RNGTT: variants seen among roughly 807,000 people sequenced by gnomAD.
RNGTT encodes the protein mRNA-capping enzyme.
Under a neutral mutation model 79.3 loss-of-function variants are expected in RNGTT, and 33 were observed. The observed-to-expected ratio is 0.42, with a 90% CI of 0.32 to 0.56. RNGTT has a LOEUF of 0.56. Among genes scored for constraint, RNGTT ranks in the 20% least tolerant of loss-of-function variants. The pLI, the probability that RNGTT is intolerant of heterozygous loss-of-function variation, is 0.17. For synonymous variants in RNGTT, 222 were observed against 235.9 expected (o/e 0.94, Z 0.54); for missense variants, 497 against 739.1 (o/e 0.67, Z 3.80).
chr6:88,796,370 G>A (rs1779603794), intron 12 of RNGTT, among the ~76,000 whole-genome samples: 1 of 152,136 alleles, frequency 6.6e-6, no homozygotes, highest in African/African-American at 2.4e-5. Flanking sequence ...AAAAACAGGG[G>A]TAGACTGGAA....
At chr6:88,806,770 C>T (rs879275491) in intron 11 of RNGTT, among the ~76,000 whole-genome samples, 4 of 152,112 alleles carry the variant, frequency 2.6e-5, no homozygotes, top group South Asian at 2.1e-4. Flanking sequence ...ATAAATCATT[C>T]TATTATAAAG....
chr6:88,913,227 CAAA>C (rs869096332), intron 4 of RNGTT, among the ~76,000 whole-genome samples: 4 of 110,300 alleles, frequency 3.6e-5, no homozygotes, highest in Non-Finnish European at 7.5e-5. Context: ...AAAAAAAAAA[CAAA>C]AAAAAAAAAG....
At chr6:88,648,616 T>C (rs1382795468) in intron 14 of RNGTT, among the ~76,000 whole-genome samples, 1 of 152,168 alleles carries the variant, frequency 6.6e-6, no homozygotes, top group Non-Finnish European at 1.5e-5. Flanking sequence ...TGCTTTCTAT[T>C]TTCCTAAATT....
intron 14 of RNGTT, among the ~76,000 whole-genome samples, chr6:88,636,512 T>C (rs1562162122): frequency 6.6e-6 from 1 of 152,030 alleles, no homozygotes; most frequent in Non-Finnish European, 1.5e-5. Flanking sequence ...CTTATCCATA[T>C]AATCTGAATA....
chr6:88,902,688 A>ATTT (rs1235480770), intron 6 of RNGTT, among the ~76,000 whole-genome samples: 3 of 123,492 alleles, frequency 2.4e-5, no homozygotes, highest in African/African-American at 1.0e-4. Flanking sequence ...GTATAGTGAA[A>ATTT]TCTTTTTTTT....
chr6:88,641,926 A>T (rs1773336053), intron 14 of RNGTT, among the ~76,000 whole-genome samples: 1 of 152,246 alleles, frequency 6.6e-6, no homozygotes, highest in African/African-American at 2.4e-5. Flanking sequence ...TAAAAGAAAT[A>T]AAAAGTAAGT....
intron 14 of RNGTT, among the ~76,000 whole-genome samples, chr6:88,619,653 C>T (rs1390173935): frequency 6.6e-6 from 1 of 151,276 alleles, no homozygotes; most frequent in Non-Finnish European, 1.5e-5. Context: ...AATTTTTGTA[C>T]ATAGAGTTAA....
At chr6:88,827,283 A>G (rs1395108239) in intron 11 of RNGTT, among the ~76,000 whole-genome samples, 1 of 152,146 alleles carries the variant, frequency 6.6e-6, no homozygotes, top group Non-Finnish European at 1.5e-5. Flanking sequence ...GGGAAGCACA[A>G]GGGGTTTGGG....
Position 88,917,468 on chromosome 6 carries a change from T to C in RNGTT, c.368-11028A>G, listed in dbSNP as rs58938537. On this transcript the variant is annotated intron_variant, in intron 4 of 15. Transcript: ENST00000369485. ...CTGTGGTAAGAAATGCCAAATGCAG[T>C]TGGAGAAAATGAAAGGGTCAAAATC... Among the ~76,000 whole-genome samples the C allele has an allele frequency of 4.6e-3, 704 of 152,180 alleles. 2 individuals are homozygous for C. Among genetic ancestry groups the C allele is most frequent in the African/African-American group, 0.016 (674 of 41,506 alleles).
At chr6:88,822,307 A>C (rs1033631005) in intron 11 of RNGTT, among the ~76,000 whole-genome samples, 1 of 152,230 alleles carries the variant, frequency 6.6e-6, no homozygotes, top group African/African-American at 2.4e-5. Flanking sequence ...AGATACGTAG[A>C]AAACAAAATT....
chr6:88,894,434 T>A (rs1005071149), intron 6 of RNGTT, among the ~76,000 whole-genome samples: 4 of 152,334 alleles, frequency 2.6e-5, no homozygotes, highest in African/African-American at 9.6e-5. Context: ...TAGAAAAGTA[T>A]GCCTTAGGGA....
chr6:88,613,665 C>T (rs960204442), intron 15 of RNGTT, among the ~76,000 whole-genome samples: 1 of 152,068 alleles, frequency 6.6e-6, no homozygotes, highest in Admixed American at 6.5e-5. Context: ...TTTTCAACTC[C>T]ACTAAAAATG....
At chr6:88,653,927 G>A (rs975492142) in intron 14 of RNGTT, among the ~76,000 whole-genome samples, 3 of 152,200 alleles carry the variant, frequency 2.0e-5, no homozygotes, top group Admixed American at 1.3e-4. Context: ...AGATTGAAAC[G>A]TGTGTATTTT....
At position 88,635,616 on chromosome 6, in the gene RNGTT, A is replaced by T. The variant is rs115066516; in HGVS notation, c.1507-21221T>A. Among the ~76,000 whole-genome samples, 788 of 152,148 alleles carry T rather than the reference A, an allele frequency of 5.2e-3. 7 individuals are homozygous for T. Among genetic ancestry groups the T allele is most frequent in the African/African-American group, 0.017 (717 of 41,536 alleles). Reference sequence around the variant, plus strand: ...CATTTGTATGTATGTGATTATTCTTAATTTCCAGATATGTAGATTTATAAT... The same window carrying T: ...CATTTGTATGTATGTGATTATTCTTTATTTCCAGATATGTAGATTTATAAT... On this transcript the variant is annotated intron_variant, in intron 14 of 15. Transcript: ENST00000369485.
At chr6:88,688,405 C>T (rs1191791752) in intron 13 of RNGTT, among the ~76,000 whole-genome samples, 1 of 152,102 alleles carries the variant, frequency 6.6e-6, no homozygotes, top group Non-Finnish European at 1.5e-5. Context: ...TGATACATTC[C>T]TAGCTCTGTC....
At chr6:88,868,561 C>T (rs1442938718) in intron 8 of RNGTT, among the ~76,000 whole-genome samples, 1 of 152,214 alleles carries the variant, frequency 6.6e-6, no homozygotes, top group African/African-American at 2.4e-5. Flanking sequence ...ATCCTTCACT[C>T]ATCATCCTCC....
In RNGTT at chr6:88,890,549, A is replaced by G; in HGVS notation, c.842T>C (p.Ile281Thr). Reference protein sequence around the residue: ...AQPVSMDKQNIKLLDLKPYKV... With the variant: ...AQPVSMDKQNTKLLDLKPYKV... Reference sequence around the variant, plus strand: ...GTATGGCTTCAGGTCTAAAAGTTTAATATTTTGCTTGTCCATGGAAACAGG... The same window carrying G: ...GTATGGCTTCAGGTCTAAAAGTTTAGTATTTTGCTTGTCCATGGAAACAGG... The change falls in exon 8 of 16, where the codon ATT becomes ACT. Residue 281 changes from isoleucine (I) to threonine (T), a missense_variant. Coordinates refer to ENST00000369485, the MANE Select transcript of RNGTT (RefSeq NM_003800.5). The G allele has an allele frequency of 6.2e-7, 1 of 1,613,826 alleles. No homozygotes were observed. The highest frequency in any genetic ancestry group is 8.5e-7 in the Non-Finnish European group (1 of 1,179,846).
At chr6:88,895,229 C>CTGTG (rs5878081) in intron 6 of RNGTT, among the ~76,000 whole-genome samples, 15,110 of 145,068 alleles carry the variant, frequency 0.1, 791 homozygotes, top group East Asian at 0.15. Context: ...AGAGAGAGCT[C>CTGTG]TGTGTGTGTG....
chr6:88,808,124 G>T (rs1361601763), intron 11 of RNGTT, among the ~76,000 whole-genome samples: 1 of 152,054 alleles, frequency 6.6e-6, no homozygotes, highest in African/African-American at 2.4e-5. Flanking sequence ...AATAATGAAG[G>T]GCATTGGAAT....
Sources: allele counts gnomAD v4.1 joint callset (sites outside exome capture counted in the v4.1 genomes callset), GRCh38; gene constraint gnomAD v4.1.1; transcripts MANE v1.5; gene names NCBI Gene and HGNC (gene_info 2026-07-23, HGNC 2026-07-21).